The following MYO9B variants were observed in gnomAD, a reference collection of about 807,000 sequenced individuals.
MYO9B encodes the protein unconventional myosin-IXb.
MYO9B carries 71 observed loss-of-function variants against 229.5 expected under a neutral mutation model. That is an observed-to-expected ratio of 0.31 (90% CI 0.26 to 0.38). MYO9B has a LOEUF of 0.38. MYO9B is among the 10% of genes least tolerant of loss of function. MYO9B has a pLI of 1.00. For synonymous variants in MYO9B, 1,185 were observed against 1,235.8 expected, an observed-to-expected ratio of 0.96 and a Z score of 0.86; for missense variants, 2,255 against 2,920.5, an observed-to-expected ratio of 0.77 and a Z score of 5.25.
chr19:17,212,224 G>A lies in MYO9B; in HGVS notation c.6388G>A (p.Asp2130Asn). 1 of 1,582,986 alleles carries A rather than the reference G, an allele frequency of 6.3e-7. No individual in the cohort carries two copies. The highest frequency in any genetic ancestry group is 1.3e-5 in the African/African-American group (1 of 74,252). ...VQGALEPLEE[D>N]GQPPGAKRRY... is the part of the protein sequence containing the mutation. ...GGGCGCCCTGGAGCCCCTAGAAGAG[G>A]ATGGCCAGCCACCTGGGGCCAAGCG... Residue 2130 changes from aspartate to asparagine, a missense_variant, in exon 40 of 40, where the codon GAT (aspartate) becomes AAT (asparagine). Physicochemically the swap from Asp to Asn is conservative, Grantham distance 23 (BLOSUM62 1). Transcript: ENST00000682292. The surrounding 1 kb of genome is among the most constrained non-coding windows in gnomAD (Gnocchi z 5.4).
chr19:17,078,615 T>C (rs941082313), intron 1 of MYO9B, among the ~76,000 whole-genome samples: 2 of 151,910 alleles, frequency 1.3e-5, no homozygotes, highest in African/African-American at 4.8e-5. Context: ...CACAAGATAT[T>C]ATGGGGGGAG....
At chr19:17,150,170 G>C (rs752938441) in intron 3 of MYO9B, among the ~76,000 whole-genome samples, 1 of 152,186 alleles carries the variant, frequency 6.6e-6, no homozygotes, top group African/African-American at 2.4e-5. Context: ...CAGCACTTTG[G>C]GGGAGTGATG....
In MYO9B at chr19:17,146,328, A is replaced by T. The variant is rs78838311; in HGVS notation, c.935+837A>T. On this transcript the variant is annotated intron_variant, in intron 3 of 39. Transcript: ENST00000682292. ...CAGGTGGATGGGTAGATTCATGGGT[A>T]GGTGAATGAATAAATGGGTAGATTC... Among the ~76,000 whole-genome samples, 359 of 146,780 alleles carry T rather than the reference A, an allele frequency of 2.4e-3. 1 individual carries two copies. Among genetic ancestry groups the T allele is most frequent in the African/African-American group, 8.6e-3 (340 of 39,338 alleles).
Position 17,172,685 on chromosome 19 carries a change from G to A in MYO9B, c.1936-74G>A. ...CCACCCCACCGTCAGCCCTTCCTGC[G>A]CCAGCCCGGGGTCTTTGGTAGGCGC... On this transcript the variant is annotated intron_variant, in intron 12 of 39. Transcript: ENST00000682292. This position sits in a 1 kb window ranked among gnomAD's most constrained non-coding sequence, Gnocchi z 8.2. 1.9e-6 allele frequency: 3 copies of A among 1,563,878 alleles called. No homozygotes were observed. Among genetic ancestry groups the A allele is most frequent in the East Asian group, 2.3e-5 (1 of 44,304 alleles).
Position 17,212,665 on chromosome 19 carries a change from T to A in MYO9B, c.*355T>A, listed in dbSNP as rs2073244954. Reference sequence around the variant, plus strand: ...CTTAATGGAAGACCAAATGGTTTTTTATATGTGTATGTACAAAGTTTTCTA... The same window carrying A: ...CTTAATGGAAGACCAAATGGTTTTTAATATGTGTATGTACAAAGTTTTCTA... On this transcript the variant is annotated 3_prime_UTR_variant, in exon 40 of 40. Coordinates refer to ENST00000682292, the MANE Select transcript of MYO9B (RefSeq NM_004145.4). The surrounding 1 kb of genome is among the most constrained non-coding windows in gnomAD (Gnocchi z 5.4). 2 of 260,436 alleles carry A rather than the reference T, an allele frequency of 7.7e-6. No homozygotes were observed. Among genetic ancestry groups the A allele is most frequent in the South Asian group, 2.3e-4 (2 of 8,744 alleles). 16.1% of individuals were successfully genotyped at this position (260,436 alleles called of 1,614,324 possible).
rs537346242 is a variant in MYO9B at position 17,200,659 on chromosome 19, C to T, written c.4393C>T (p.Arg1465Cys). The T allele has an allele frequency of 4.2e-5, 67 of 1,613,588 alleles. No homozygotes were observed. In the Admixed American group the frequency reaches 5.3e-4, roughly 13 times the overall value. ...GLEAPSGQQH[R>C]HAAGEKRTKE... ...CTCAGCCCCCTCCGGACAGCAGCAT[C>T]GCCACGCTGCAGGTGAGAAGCGCAC... Residue 1465 changes from arginine to cysteine, a missense_variant, in exon 26 of 40, where the codon CGC becomes TGC. Transcript: ENST00000682292.
At chr19:17,113,574 T>G (rs1057315579) in intron 2 of MYO9B, among the ~76,000 whole-genome samples, 5 of 151,972 alleles carry the variant, frequency 3.3e-5, no homozygotes, top group Admixed American at 6.6e-5. Flanking sequence ...GACAGGGTGG[T>G]GCAAGGACAG....
intron 2 of MYO9B, among the ~76,000 whole-genome samples, chr19:17,118,742 T>C (rs1395675673): frequency 1.3e-5 from 2 of 152,090 alleles, no homozygotes; most frequent in Non-Finnish European, 2.9e-5. Context: ...CTTGGCCTCC[T>C]GTGATCACGC....
intron 2 of MYO9B, among the ~76,000 whole-genome samples, chr19:17,131,357 C>T (rs2072193771): frequency 6.6e-6 from 1 of 152,258 alleles, no homozygotes; most frequent in African/African-American, 2.4e-5. Context: ...CAACCGCTGC[C>T]TCCCGCATTC....
At chr19:17,199,700 C>CTTTTTTT (rs59510773) in intron 24 of MYO9B, among the ~76,000 whole-genome samples, 4 of 68,762 alleles carry the variant, frequency 5.8e-5, no homozygotes, top group Non-Finnish European at 9.2e-5. Flanking sequence ...CTTTTTTTTT[C>CTTTTTTT]TTTTTTTTTT....
intron 2 of MYO9B, among the ~76,000 whole-genome samples, chr19:17,134,781 C>T (rs905289958): frequency 8.6e-5 from 13 of 151,072 alleles, no homozygotes; most frequent in African/African-American, 2.9e-4. Flanking sequence ...TGTTTTTTTT[C>T]GAGACGGAGT....
chr19:17,208,679 G>A (rs554924052), intron 35 of MYO9B, among the ~76,000 whole-genome samples: 16 of 152,230 alleles, frequency 1.1e-4, no homozygotes, highest in Admixed American at 3.9e-4. Context: ...GATCCGCCGT[G>A]AGCCACCGCT....
In MYO9B at chr19:17,210,937, C is replaced by T. The variant is rs180931618; in HGVS notation, c.5930+89C>T. ...TCCCTGGTGGTCCGCTTGACCTCGC[C>T]AGGTTTGGTCCTGTCATCCCTAACA... On this transcript the variant is annotated intron_variant, in intron 38 of 39. Transcript: ENST00000682292. 1,034 of 1,451,740 alleles carry T rather than the reference C, an allele frequency of 7.1e-4. 2 individuals carry two copies. Among genetic ancestry groups the T allele is most frequent in the African/African-American group, 4.0e-3 (276 of 69,666 alleles). The allele number at this position is 1,451,740 out of a possible 1,614,324, so 89.9% of individuals were successfully genotyped here. A position where few individuals can be genotyped will look rare whatever the true frequency, so the allele number is the denominator to read the frequency against.
rs967380281 is a variant in MYO9B at position 17,114,531 on chromosome 19, G to A, written c.840+11974G>A. The stretch of plus-strand genomic sequence containing the variant: ...TGCTCTTCCAGGTGCACTGAGTGAC[G>A]TCTTACAATGTTGTTTGTAAGACTT... On this transcript the variant is annotated intron_variant, in intron 2 of 39. Coordinates refer to ENST00000682292, the MANE Select transcript of MYO9B (RefSeq NM_004145.4). 3.6e-4 allele frequency among the ~76,000 whole-genome samples: 55 copies of A among 152,140 alleles called. 1 individual carries two copies. Among genetic ancestry groups the A allele is most frequent in the East Asian group, 1.9e-4 (1 of 5,198 alleles).
At chr19:17,083,354 A>G (rs1209747041) in intron 1 of MYO9B, among the ~76,000 whole-genome samples, 2 of 151,852 alleles carry the variant, frequency 1.3e-5, no homozygotes, top group Admixed American at 6.6e-5. Flanking sequence ...TTTAAAGCAT[A>G]TCTTCTCAGC....
rs376350603 is a variant in MYO9B at position 17,209,715 on chromosome 19, T to G, written c.5748+6T>G. ...CGCTCCTGCGACAAAATGCTGTGAG[T>G]ACCGGTGATCGTGGGGGCGGGACCT... On this transcript the variant is annotated splice_donor_region_variant and intron_variant, in intron 36 of 39. Transcript: ENST00000682292. 77 of 1,613,536 alleles carry G rather than the reference T, an allele frequency of 4.8e-5. No homozygotes were observed. The highest frequency in any genetic ancestry group is 5.1e-5 in the Non-Finnish European group (60 of 1,179,764).
Position 17,200,283 on chromosome 19 carries a change from T to C in MYO9B, c.4239-10T>C. 6.2e-7 allele frequency: 1 copy of C among 1,603,728 alleles called. No individual in the cohort carries two copies. The highest frequency in any genetic ancestry group is 8.5e-7 in the Non-Finnish European group (1 of 1,177,106). On this transcript the variant is annotated splice_polypyrimidine_tract_variant and intron_variant, in intron 24 of 39. Transcript: ENST00000682292. ...CAGACTTAAAAGAAGCCACGTACTT[T>C]CTCCTGCAGATCCACGTTTAAGAGG...
intron 37 of MYO9B, 98 bp from the exon 38 acceptor site, chr19:17,210,617 C>T (rs1043317747): frequency 2.1e-6 from 3 of 1,406,174 alleles, no homozygotes; most frequent in African/African-American, 1.5e-5. Context: ...GCCCAGCACA[C>T]TCACATCACA....
At chr19:17,184,267 C>T (rs1212485234) in intron 16 of MYO9B, among the ~76,000 whole-genome samples, 1 of 152,230 alleles carries the variant, frequency 6.6e-6, no homozygotes, top group African/African-American at 2.4e-5. Context: ...TTAACACCCC[C>T]ATCTTCAGTC....
Sources: gnomAD v4.1 joint callset for allele counts (sites outside exome capture counted in the v4.1 genomes callset) on GRCh38, gnomAD v4.1.1 for gene constraint, Gnocchi (gnomAD v3.1) non-coding constraint, MANE v1.5 for transcripts, NCBI Gene and HGNC (gene_info 2026-07-23, HGNC 2026-07-21) for gene names.